LRCH1: variants seen among roughly 807,000 people sequenced by gnomAD.
LRCH1 encodes leucine rich repeats and calponin homology domain containing 1, also known as leucine-rich repeat and calponin homology domain-containing protein 1.
LRCH1 carries 23 observed loss-of-function variants against 94.9 expected under a neutral mutation model. The ratio of observed to expected loss-of-function variants is 0.24; its 90% CI spans 0.17 to 0.34. The LOEUF (loss-of-function observed/expected upper bound fraction) is 0.34. Among genes scored for constraint, LRCH1 ranks in the 10% least tolerant of loss-of-function variants. The pLI is 1.00. For missense variants in LRCH1, 790 were observed against 945.9 expected (o/e 0.84, Z 2.16); for synonymous variants, 364 against 354.9 (o/e 1.03, Z -0.29).
chr13:46,705,113 T>C lies in LRCH1; in HGVS notation c.1446T>C (p.Pro482=). ...ITERSVLNLY[P]MGSAEALELQ... The stretch of plus-strand genomic sequence containing the variant: ...AGAGAAGTGTTTTAAACCTATATCC[T>C]ATGGGATCAGCAGAAGCCTTAGAAT... The change falls in exon 12 of 20, where the codon CCT becomes CCC. Residue 482 remains proline, a synonymous_variant. Coordinates refer to ENST00000389797, the MANE Select transcript of LRCH1 (RefSeq NM_001164211.2). 6.2e-7 allele frequency: 1 copy of C among 1,609,194 alleles called. No homozygotes were observed. Among genetic ancestry groups the C allele is most frequent in the Non-Finnish European group, 8.5e-7 (1 of 1,177,648 alleles).
At position 46,635,271 on chromosome 13, in the gene LRCH1, A is replaced by C. The variant is rs184645183; in HGVS notation, c.308-14930A>C. On this transcript the variant is annotated intron_variant, in intron 1 of 19. Transcript: ENST00000389797. ...CTGCTTCATACTTTCTCCTGCACTT[A>C]AACCTTTAGCATATCTCCATCCCTG... Among the ~76,000 whole-genome samples, 49 of 152,202 alleles carry C rather than the reference A, an allele frequency of 3.2e-4. No homozygotes were observed. The East Asian group carries it at 8.9e-3, about 28-fold the overall frequency.
chr13:46,646,202 TC>T (rs2051219148), intron 1 of LRCH1, among the ~76,000 whole-genome samples: 1 of 152,260 alleles, frequency 6.6e-6, no homozygotes, highest in South Asian at 2.1e-4. Context: ...GCTTCTTAAT[TC>T]TTTTTAAGTG....
At chr13:46,729,435 C>T (rs1334256333) in intron 18 of LRCH1, among the ~76,000 whole-genome samples, 2 of 151,656 alleles carry the variant, frequency 1.3e-5, no homozygotes, top group African/African-American at 4.8e-5. Flanking sequence ...CACCTGTGGT[C>T]CCAGCAACTC....
At chr13:46,682,434 T>C (rs571451196) in intron 4 of LRCH1, among the ~76,000 whole-genome samples, 7 of 152,248 alleles carry the variant, frequency 4.6e-5, no homozygotes, top group Admixed American at 1.3e-4. Context: ...TCTGAGGTAA[T>C]AGAGGTTAGG....
chr13:46,601,554 A>G (rs1460871605), intron 1 of LRCH1, among the ~76,000 whole-genome samples: 3 of 152,210 alleles, frequency 2.0e-5, no homozygotes, highest in Non-Finnish European at 2.9e-5. Flanking sequence ...GGTTAGTTCA[A>G]TGTCCTCTTG....
At chr13:46,712,228 G>A (rs760095155) in intron 14 of LRCH1, among the ~76,000 whole-genome samples, 18 of 152,174 alleles carry the variant, frequency 1.2e-4, no homozygotes, top group Non-Finnish European at 2.5e-4. Context: ...TATAGTGTGT[G>A]TGTGTGCATG....
chr13:46,636,219 G>A (rs1329248616), intron 1 of LRCH1, among the ~76,000 whole-genome samples: 2 of 151,758 alleles, frequency 1.3e-5, no homozygotes, highest in Admixed American at 6.6e-5. Flanking sequence ...ACAGGCATGT[G>A]CCACATGCCT....
At chr13:46,586,658 A>G (rs2050438844) in intron 1 of LRCH1, among the ~76,000 whole-genome samples, 1 of 152,184 alleles carries the variant, frequency 6.6e-6, no homozygotes, top group Admixed American at 6.5e-5. Flanking sequence ...GCTCAAAGCA[A>G]TCCGCTGGCC....
Position 46,743,134 on chromosome 13 carries a change from G to GAGAT in LRCH1, c.*1287_*1290dup. ...GCCAAATCTTGTTTCTTAGCTTGGG[G>GAGAT]AGATGATGGACTTAGCTTCCTCAAG... is the stretch of plus-strand genomic sequence containing the variant. On this transcript the variant is annotated 3_prime_UTR_variant, in exon 20 of 20. Coordinates refer to ENST00000389797, the MANE Select transcript of LRCH1 (RefSeq NM_001164211.2). 2 of 985,446 alleles carry GAGAT rather than the reference G, an allele frequency of 2.0e-6. No individual in the cohort carries two copies. Among genetic ancestry groups the GAGAT allele is most frequent in the Non-Finnish European group, 2.4e-6 (2 of 829,920 alleles). The allele number at this position is 985,446 out of a possible 1,614,324, so 61.0% of individuals were successfully genotyped here.
chr13:46,563,111 G>C (rs2050146986), intron 1 of LRCH1, among the ~76,000 whole-genome samples: 2 of 152,146 alleles, frequency 1.3e-5, no homozygotes, highest in Non-Finnish European at 2.9e-5. Flanking sequence ...AGATGGGCAG[G>C]TGTTTTATAA....
chr13:46,740,895 A>G (rs1873617105), intron 19 of LRCH1, among the ~76,000 whole-genome samples: 1 of 152,108 alleles, frequency 6.6e-6, no homozygotes, highest in South Asian at 2.1e-4. Context: ...AGTAGATAAA[A>G]CACAGAGGTC....
intron 1 of LRCH1, 74 bp from the exon 2 acceptor site, chr13:46,650,125 CAG>C: frequency 1.0e-6 from 1 of 985,050 alleles, no homozygotes. Flanking sequence ...TTAAGAAAAA[CAG>C]TGTTTGTGGT....
At chr13:46,579,336 T>C (rs1159873033) in intron 1 of LRCH1, among the ~76,000 whole-genome samples, 3 of 152,106 alleles carry the variant, frequency 2.0e-5, no homozygotes, top group African/African-American at 7.2e-5. Flanking sequence ...GAGATATTAG[T>C]CGTTATGAAA....
intron 1 of LRCH1, among the ~76,000 whole-genome samples, chr13:46,627,579 T>C (rs1321950515): frequency 6.6e-6 from 1 of 152,172 alleles, no homozygotes; most frequent in Non-Finnish European, 1.5e-5. Flanking sequence ...GTTTTCCTGC[T>C]CTTTCCCTCT....
At chr13:46,738,427 G>C (rs1159661797) in intron 19 of LRCH1, among the ~76,000 whole-genome samples, 1 of 152,156 alleles carries the variant, frequency 6.6e-6, no homozygotes, top group African/African-American at 2.4e-5. Flanking sequence ...TTGTGTTAAA[G>C]GTTTTATATA....
intron 1 of LRCH1, among the ~76,000 whole-genome samples, chr13:46,626,286 C>T (rs979429767): frequency 1.3e-5 from 2 of 152,126 alleles, no homozygotes. Context: ...TAGTGTCAGA[C>T]CCCGAGCCCA....
intron 3 of LRCH1, among the ~76,000 whole-genome samples, chr13:46,681,130 T>G (rs891395324): frequency 2.6e-5 from 4 of 152,226 alleles, no homozygotes; most frequent in Non-Finnish European, 4.4e-5. Context: ...CAAGAATTGC[T>G]TGTGAAGTGT....
chr13:46,592,156 G>C (rs2050507066), intron 1 of LRCH1, among the ~76,000 whole-genome samples: 1 of 152,186 alleles, frequency 6.6e-6, no homozygotes, highest in South Asian at 2.1e-4. Context: ...TTAAGGTACG[G>C]CGCCTCGTGG....
intron 19 of LRCH1, among the ~76,000 whole-genome samples, chr13:46,739,553 T>C (rs1209733769): frequency 2.0e-5 from 3 of 152,104 alleles, no homozygotes; most frequent in African/African-American, 7.2e-5. Context: ...GGTCAGAAAT[T>C]AGGAATTTTA....
Sources: gnomAD v4.1 joint callset for allele counts (sites outside exome capture counted in the v4.1 genomes callset) on GRCh38, gnomAD v4.1.1 for gene constraint, MANE v1.5 for transcripts, NCBI Gene and HGNC (gene_info 2026-07-23, HGNC 2026-07-21) for gene names.